The following NAALADL2 variants were observed in gnomAD, a reference collection of about 807,000 sequenced individuals.
The protein encoded by NAALADL2 is N-acetylated alpha-linked acidic dipeptidase like 2.
NAALADL2 carries 76 observed loss-of-function variants against 87.2 expected under a neutral mutation model. The ratio of observed to expected loss-of-function variants is 0.87; its 90% CI spans 0.72 to 1.05. The LOEUF (loss-of-function observed/expected upper bound fraction) is 1.05. Ranked by LOEUF, NAALADL2 falls within the 50% of genes least tolerant of loss-of-function variation. The pLI, the probability that NAALADL2 is intolerant of heterozygous loss-of-function variation, is 0.00. For synonymous variants in NAALADL2, 354 were observed against 331.0 expected, an observed-to-expected ratio of 1.07 and a Z score of -0.75; for missense variants, 1,089 against 945.8, an observed-to-expected ratio of 1.15 and a Z score of -1.99.
chr3:175,406,374 T>A (rs1712377579), intron 5 of NAALADL2, among the ~76,000 whole-genome samples: 2 of 152,170 alleles, frequency 1.3e-5, no homozygotes, highest in African/African-American at 4.8e-5. Flanking sequence ...AGACACAACA[T>A]TTTTAGAACT....
chr3:174,762,092 T>A (rs1007326740), intron 3 of NAALADL2, among the ~76,000 whole-genome samples: 1 of 152,028 alleles, frequency 6.6e-6, no homozygotes, highest in Admixed American at 6.6e-5. Flanking sequence ...TATATTGATA[T>A]TGATTTTTTC....
chr3:174,625,349 C>A (rs76461605), intron 2 of NAALADL2, among the ~76,000 whole-genome samples: 1 of 151,946 alleles, frequency 6.6e-6, no homozygotes, highest in Non-Finnish European at 1.5e-5. Context: ...TAAGCCACCA[C>A]GCCTGGCCTA....
rs1390984474 is a variant in NAALADL2 at position 174,556,008 on chromosome 3, T to TGC, written c.-115+5376_-115+5377dup. Reference sequence around the variant, plus strand: ...GTGTGTGTGTGTGTGTGTGTGTGTGTGCGCGCACGTGAGTGTGTTTCTTCT... The same window carrying TGC: ...GTGTGTGTGTGTGTGTGTGTGTGTGTGCGCGCGCACGTGAGTGTGTTTCTTCT... On this transcript the variant is annotated intron_variant, in intron 2 of 3. Coordinates refer to the NAALADL2 transcript ENST00000434257. Among the ~76,000 whole-genome samples, 528 of 94,592 alleles carry TGC rather than the reference T, an allele frequency of 5.6e-3. 5 individuals are homozygous for TGC. The highest frequency in any genetic ancestry group is 0.013 in the African/African-American group (317 of 24,822). 62.1% of individuals were successfully genotyped at this position (94,592 alleles called of 152,430 possible).
intron 13 of NAALADL2, among the ~76,000 whole-genome samples, chr3:175,783,704 T>A (rs1185052860): frequency 6.6e-6 from 1 of 151,554 alleles, no homozygotes; most frequent in East Asian, 1.9e-4. Context: ...TTCCTTCTCC[T>A]GCCTAATTGC....
Position 174,586,284 on chromosome 3 carries a change from G to C in NAALADL2, c.-115+35647G>C, listed in dbSNP as rs151115647. Among the ~76,000 whole-genome samples the C allele has an allele frequency of 2.4e-3, 371 of 152,162 alleles. 1 individual carries two copies. The highest frequency in any genetic ancestry group is 8.3e-3 in the African/African-American group (346 of 41,504). On this transcript the variant is annotated intron_variant, in intron 2 of 3. Coordinates refer to the NAALADL2 transcript ENST00000434257. ...TAATGCATTTTATTTAGCCTCCCTA[G>C]TGGTATACATTATTTTTTTTATTTT...
intron 9 of NAALADL2, among the ~76,000 whole-genome samples, chr3:175,541,875 C>T (rs1004404892): frequency 1.3e-5 from 2 of 152,140 alleles, no homozygotes; most frequent in South Asian, 2.1e-4. Flanking sequence ...TGTGTGACAC[C>T]ACGCCCAGCT....
At chr3:174,482,930 A>G (rs1717647522) in intron 1 of NAALADL2, among the ~76,000 whole-genome samples, 1 of 152,114 alleles carries the variant, frequency 6.6e-6, no homozygotes, top group South Asian at 2.1e-4. Flanking sequence ...TTCCCACTCA[A>G]GAAATCATAA....
intron 2 of NAALADL2, among the ~76,000 whole-genome samples, chr3:175,111,726 T>G (rs1173428286): frequency 2.6e-5 from 4 of 151,710 alleles, no homozygotes; most frequent in Admixed American, 1.3e-4. Context: ...CTTGATCCAA[T>G]GCTGCTGCCT....
chr3:174,712,380 C>CTTTTTTTTTTT (rs1169827021), intron 2 of NAALADL2, among the ~76,000 whole-genome samples: 1 of 70,450 alleles, frequency 1.4e-5, no homozygotes, highest in Non-Finnish European at 2.5e-5. Context: ...TTCTCCTCTT[C>CTTTTTTTTTTT]TTTTTTTTTT....
chr3:175,714,499 T>G (rs1372865006), intron 11 of NAALADL2, among the ~76,000 whole-genome samples: 7 of 152,202 alleles, frequency 4.6e-5, no homozygotes, highest in Non-Finnish European at 5.9e-5. Context: ...GAGCTTTTTT[T>G]CATTTGTTTT....
At chr3:175,302,727 T>C (rs533392027) in intron 4 of NAALADL2, among the ~76,000 whole-genome samples, 1 of 152,204 alleles carries the variant, frequency 6.6e-6, no homozygotes, top group East Asian at 1.9e-4. Context: ...GAGAGATATT[T>C]TATAAGTACT....
chr3:174,694,150 T>C (rs191622961), intron 2 of NAALADL2, among the ~76,000 whole-genome samples: 64 of 152,250 alleles, frequency 4.2e-4, no homozygotes, highest in African/African-American at 1.4e-3. Flanking sequence ...TCTGACTCTC[T>C]TTTGCCATAC....
At chr3:174,708,427 A>G (rs6784171) in intron 2 of NAALADL2, among the ~76,000 whole-genome samples, 39,674 of 152,082 alleles carry the variant, frequency 0.26, 5,467 homozygotes, top group East Asian at 0.43. Flanking sequence ...TGAGTGATAT[A>G]TCATTTATTC....
intron 11 of NAALADL2, among the ~76,000 whole-genome samples, chr3:175,674,252 T>TG (rs1734416291): frequency 6.7e-6 from 1 of 148,940 alleles, no homozygotes; most frequent in African/African-American, 2.6e-5. Context: ...ATAGTGTTTT[T>TG]TTTTTTTGTT....
intron 2 of NAALADL2, among the ~76,000 whole-genome samples, chr3:175,159,040 A>G (rs1732738157): frequency 6.6e-6 from 1 of 152,172 alleles, no homozygotes; most frequent in Admixed American, 6.6e-5. Flanking sequence ...TCAAATTAAG[A>G]GATAAAGGAA....
At chr3:174,504,785 AC>A in intron 1 of NAALADL2, among the ~76,000 whole-genome samples, 1 of 152,248 alleles carries the variant, frequency 6.6e-6, no homozygotes, top group Middle Eastern at 3.4e-3. Context: ...CATGCACAAA[AC>A]ATAGTTGCCA....
intron 10 of NAALADL2, among the ~76,000 whole-genome samples, chr3:175,600,712 T>C (rs1317242212): frequency 1.3e-5 from 2 of 151,650 alleles, no homozygotes; most frequent in Non-Finnish European, 2.9e-5. Flanking sequence ...TAATTTTTTG[T>C]ATTTTTAGTA....
chr3:175,743,808 C>T (rs1436240565), intron 12 of NAALADL2, among the ~76,000 whole-genome samples: 1 of 152,166 alleles, frequency 6.6e-6, no homozygotes, highest in East Asian at 1.9e-4. Flanking sequence ...TTGGTAAGGA[C>T]AGCGTCCAGG....
chr3:175,404,919 T>C (rs571079030), intron 5 of NAALADL2, among the ~76,000 whole-genome samples: 1 of 152,314 alleles, frequency 6.6e-6, no homozygotes, highest in Non-Finnish European at 1.5e-5. Context: ...ATGAAATATG[T>C]TTCCAGGAAA....
Sources: gnomAD v4.1 joint callset for allele counts (sites outside exome capture counted in the v4.1 genomes callset) on GRCh38, gnomAD v4.1.1 for gene constraint, MANE v1.5 for transcripts, NCBI Gene and HGNC (gene_info 2026-07-23, HGNC 2026-07-21) for gene names.